Variants in GKAP1 observed in about 807,000 individuals in gnomAD.
GKAP1 encodes G kinase-anchoring protein 1.
Under a neutral mutation model 56.7 loss-of-function variants are expected in GKAP1, and 31 were observed. The ratio of observed to expected loss-of-function variants is 0.55; its 90% confidence interval spans 0.41 to 0.74. The LOEUF (loss-of-function observed/expected upper bound fraction) is 0.74, where lower values mean the gene tolerates loss of function less well. Among genes scored for constraint, GKAP1 ranks in the 30% least tolerant of loss-of-function variants. The probability of loss-of-function intolerance (pLI) is 0.00; values close to 1 mark genes in which losing one functional copy is unlikely to be tolerated. For missense variants in GKAP1, 364 were observed against 402.3 expected (o/e 0.90, Z 0.82); for synonymous variants, 151 against 138.6 (o/e 1.09, Z -0.63).
chr9:83,782,102 A>C (rs1311409136), intron 6 of GKAP1, among the ~76,000 whole-genome samples: 1 of 151,688 alleles, frequency 6.6e-6, no homozygotes, highest in African/African-American at 2.4e-5. Flanking sequence ...TCGGCCTCCC[A>C]AAGTGCTGGG....
chr9:83,744,060 T>C (rs1349989386), intron 10 of GKAP1, among the ~76,000 whole-genome samples: 1 of 152,224 alleles, frequency 6.6e-6, no homozygotes, highest in Non-Finnish European at 1.5e-5. Context: ...CATAGTTTAA[T>C]ATGATAAGAT....
intron 8 of GKAP1, among the ~76,000 whole-genome samples, chr9:83,759,030 G>A (rs972673672): frequency 6.6e-6 from 1 of 151,882 alleles, no homozygotes; most frequent in Non-Finnish European, 1.5e-5. Flanking sequence ...AACTTCACAT[G>A]CGCAAAAGAA....
In GKAP1 at chr9:83,779,494, CAT is replaced by C. The variant is rs542986574; in HGVS notation, c.585+886_585+887del. Among the ~76,000 whole-genome samples the C allele has an allele frequency of 1.2e-3, 125 of 103,534 alleles. 7 individuals carry two copies. Among genetic ancestry groups the C allele is most frequent in the Non-Finnish European group, 2.7e-4 (13 of 48,100 alleles). The allele number at this position is 103,534 out of a possible 152,430, so 67.9% of individuals were successfully genotyped here. A position where few individuals can be genotyped will look rare whatever the true frequency, so the allele number is the denominator to read the frequency against. ...ATATACATATACATACATATATACA[CAT>C]ATACACATATATGTGTATATATATA... On this transcript the variant is annotated intron_variant, in intron 7 of 12. Transcript: ENST00000376371.
intron 4 of GKAP1, among the ~76,000 whole-genome samples, chr9:83,795,624 CT>C (rs1944233792): frequency 7.9e-6 from 1 of 126,944 alleles, no homozygotes; most frequent in African/African-American, 2.9e-5. Context: ...TAGGGTCTCG[CT>C]CTGTCACCCA....
intron 5 of GKAP1, 142 bp from the exon 6 acceptor site, chr9:83,784,980 T>A: frequency 1.1e-5 from 6 of 541,226 alleles, no homozygotes; most frequent in South Asian, 3.1e-5. Flanking sequence ...CCAAATTGTA[T>A]AAAGAGATAC....
At chr9:83,751,977 C>T (rs928347526) in intron 9 of GKAP1, among the ~76,000 whole-genome samples, 1 of 152,040 alleles carries the variant, frequency 6.6e-6, no homozygotes, top group Non-Finnish European at 1.5e-5. Flanking sequence ...TATGTACATA[C>T]CCAAAAGAAC....
At chr9:83,766,870 TAA>T (rs138597600) in intron 8 of GKAP1, among the ~76,000 whole-genome samples, 83,017 of 151,854 alleles carry the variant, frequency 0.55, 23,587 homozygotes, top group Admixed American at 0.69. Flanking sequence ...GCTGGAGAAT[TAA>T]AACAGGCAAG....
rs554981983 is a variant in GKAP1 at position 83,770,032 on chromosome 9, T to C, written c.586-1062A>G. Among the ~76,000 whole-genome samples, 8 of 152,344 alleles carry C rather than the reference T, an allele frequency of 5.3e-5. No homozygotes were observed. In the East Asian group the frequency reaches 1.5e-3, roughly 29 times the overall value. On this transcript the variant is annotated intron_variant, in intron 7 of 12. Transcript: ENST00000376371. ...TTGGAGAAATGTCTTCTCAGATCCT[T>C]TGCCCATTTTTTAACTGGGTTACTT...
chr9:83,789,650 T>C (rs1240388801), intron 4 of GKAP1, among the ~76,000 whole-genome samples: 1 of 152,160 alleles, frequency 6.6e-6, no homozygotes, highest in African/African-American at 2.4e-5. Context: ...TTCTGTACAC[T>C]AAGCACTACC....
chr9:83,804,579 G>C (rs1587739764), intron 3 of GKAP1, among the ~76,000 whole-genome samples: 1 of 120,582 alleles, frequency 8.3e-6, no homozygotes, highest in South Asian at 2.9e-4. Flanking sequence ...AGGTGGGGGG[G>C]TCAGCCCCCG....
intron 2 of GKAP1, among the ~76,000 whole-genome samples, chr9:83,812,407 G>A (rs1944524590): frequency 6.7e-6 from 1 of 150,046 alleles, no homozygotes; most frequent in African/African-American, 2.4e-5. Flanking sequence ...TGGAGCAGTG[G>A]TGTGATCACG....
chr9:83,784,934 G>A, intron 5 of GKAP1, 96 bp from the exon 6 acceptor site: 1 of 1,063,560 alleles, frequency 9.4e-7, no homozygotes, highest in Non-Finnish European at 1.3e-6. Flanking sequence ...ATTTTTTAAA[G>A]ATAAAAGGCA....
chr9:83,779,448 T>TATATACACACAC (rs1554742273), intron 7 of GKAP1, among the ~76,000 whole-genome samples: 3 of 119,614 alleles, frequency 2.5e-5, no homozygotes, highest in African/African-American at 9.3e-5. Flanking sequence ...TATATATATA[T>TATATACACACAC]ACACACACAC....
At chr9:83,760,618 C>T (rs1157791141) in intron 8 of GKAP1, among the ~76,000 whole-genome samples, 2 of 152,108 alleles carry the variant, frequency 1.3e-5, no homozygotes, top group Non-Finnish European at 2.9e-5. Context: ...TGTGTTAGGT[C>T]ACAAAACAAG....
intron 8 of GKAP1, among the ~76,000 whole-genome samples, chr9:83,758,731 G>C (rs1375847790): frequency 6.6e-6 from 1 of 150,450 alleles, no homozygotes; most frequent in African/African-American, 2.4e-5. Flanking sequence ...CCAGGTGACA[G>C]AGACTCCATC....
chr9:83,774,725 T>C (rs1475237827), intron 7 of GKAP1, among the ~76,000 whole-genome samples: 1 of 143,462 alleles, frequency 7.0e-6, no homozygotes, highest in African/African-American at 2.6e-5. Context: ...TTTTTTTTTT[T>C]TTTGAGACAG....
chr9:83,765,489 C>A (rs143041199), intron 8 of GKAP1, among the ~76,000 whole-genome samples: 84 of 152,320 alleles, frequency 5.5e-4, no homozygotes, highest in Non-Finnish European at 9.6e-4. Flanking sequence ...CTCCAGCCCC[C>A]AGAATGGTAG....
chr9:83,790,888 A>G (rs1421422522), intron 4 of GKAP1, among the ~76,000 whole-genome samples: 1 of 152,200 alleles, frequency 6.6e-6, no homozygotes, highest in Non-Finnish European at 1.5e-5. Flanking sequence ...ATTTGCCACT[A>G]AAATTTTAAT....
chr9:83,771,140 C>CA (rs1943752903), intron 7 of GKAP1, among the ~76,000 whole-genome samples: 1 of 152,148 alleles, frequency 6.6e-6, no homozygotes, highest in Non-Finnish European at 1.5e-5. Flanking sequence ...CGGCTCACTA[C>CA]AACCCTCACC....
Sources: allele counts gnomAD v4.1 joint callset (sites outside exome capture counted in the v4.1 genomes callset), GRCh38; gene constraint gnomAD v4.1.1; transcripts MANE v1.5; gene names NCBI Gene and HGNC (gene_info 2026-07-23, HGNC 2026-07-21).